The following GATA3 variants were observed in gnomAD, a reference collection of about 807,000 sequenced individuals.
GATA3 encodes the protein GATA binding protein 3.
Under a neutral mutation model 36.0 loss-of-function variants are expected in GATA3, and 6 were observed. That is an observed-to-expected ratio of 0.17 (90% confidence interval 0.09 to 0.33). The LOEUF (loss-of-function observed/expected upper bound fraction) is 0.33. Among genes scored for constraint, GATA3 ranks in the 10% least tolerant of loss-of-function variants. GATA3 has a pLI of 1.00. For missense variants in GATA3, 514 were observed against 610.1 expected (o/e 0.84, Z 1.66); for synonymous variants, 326 against 273.0 (o/e 1.19, Z -1.92).
chr10:8,066,366 GTTT>G (rs1029245258), intron 4 of GATA3, among the ~76,000 whole-genome samples: 7 of 151,192 alleles, frequency 4.6e-5, no homozygotes, highest in Admixed American at 2.0e-4. Flanking sequence ...GTGGTTTGAT[GTTT>G]TTAGTTCTAT....
Position 8,054,838 on chromosome 10 carries a change from C to T in GATA3, c.-423C>T, listed in dbSNP as rs545914604. 2.0e-5 allele frequency: 3 copies of T among 151,402 alleles called. No individual in the cohort carries two copies. The South Asian group carries it at 6.3e-4, about 32-fold the overall frequency. 9.4% of individuals were successfully genotyped at this position (151,402 alleles called of 1,614,324 possible). On this transcript the variant is annotated 5_prime_UTR_variant, in exon 1 of 6. Coordinates refer to ENST00000379328, the MANE Select transcript of GATA3 (RefSeq NM_001002295.2). The surrounding 1 kb of genome is among the most constrained non-coding windows in gnomAD (Gnocchi z 4.2). The stretch of plus-strand genomic sequence containing the variant: ...AGACAGAGCGAGCAACGCAATCTGA[C>T]CGAGCAGGTCGTACGCCGCCGCCTC...
chr10:8,065,419 G>A (rs79306544), intron 4 of GATA3, among the ~76,000 whole-genome samples: 50 of 151,696 alleles, frequency 3.3e-4, no homozygotes, highest in African/African-American at 1.2e-3. Flanking sequence ...CCCCACACCC[G>A]GCAAATTTTT....
rs1209111506 is a variant in GATA3 at position 8,062,205 on chromosome 10, A to C, written c.779-1788A>C. On this transcript the variant is annotated intron_variant, in intron 3 of 5. Transcript: ENST00000379328. Reference sequence around the variant, plus strand: ...TGAGCCTTTTTCAAGAACTGAGAAGAGCCGTTGGGTACTTAGGAAGGCGCC... The same window carrying C: ...TGAGCCTTTTTCAAGAACTGAGAAGCGCCGTTGGGTACTTAGGAAGGCGCC... Among the ~76,000 whole-genome samples, 16 of 152,076 alleles carry C rather than the reference A, an allele frequency of 1.1e-4. 1 individual carries two copies. Among genetic ancestry groups the C allele is most frequent in the Admixed American group, 1.0e-3 (16 of 15,274 alleles).
At chr10:8,058,189 GC>G in intron 2 of GATA3, 115 bp from the exon 3 acceptor site, 1 of 1,165,334 alleles carries the variant, frequency 8.6e-7, no homozygotes, top group Non-Finnish European at 1.3e-6. Context: ...CTGAGCCCGG[GC>G]TTTTGCTGAA....
At chr10:8,052,914 T>C (rs1832538174), upstream of GATA3, 1 of 146,472 alleles carries the variant, frequency 6.8e-6, no homozygotes, top group Admixed American at 6.8e-5. Context: ...GGGGGGAGCT[T>C]TCTTTAAAAA....
chr10:8,067,663 C>CA (rs910155666), intron 4 of GATA3, among the ~76,000 whole-genome samples: 1 of 151,128 alleles, frequency 6.6e-6, no homozygotes, highest in Non-Finnish European at 1.5e-5. Flanking sequence ...ACTAAAAATA[C>CA]AAAAAATTAG....
intron 5 of GATA3, among the ~76,000 whole-genome samples, chr10:8,071,515 T>G (rs1588390066): frequency 6.6e-6 from 1 of 152,188 alleles, no homozygotes; most frequent in African/African-American, 2.4e-5. Flanking sequence ...CTGAAGAACA[T>G]GAATTTCTCA....
chr10:8,054,258 G>A (rs376120032), upstream of GATA3, among the ~76,000 whole-genome samples: 6 of 152,326 alleles, frequency 3.9e-5, no homozygotes, highest in Non-Finnish European at 8.8e-5. The surrounding 1 kb of genome is among the most constrained non-coding windows in gnomAD (Gnocchi z 4.2). Flanking sequence ...TGATCCATGC[G>A]TGCCTATTTT....
intron 5 of GATA3, among the ~76,000 whole-genome samples, chr10:8,070,934 A>G (rs1240888329): frequency 1.3e-5 from 2 of 152,108 alleles, no homozygotes; most frequent in Admixed American, 6.6e-5. Context: ...CACTTTGGGG[A>G]ATTTGCTTGC....
intron 3 of GATA3, among the ~76,000 whole-genome samples, chr10:8,063,611 T>G (rs1832784689): frequency 6.6e-6 from 1 of 152,228 alleles, no homozygotes; most frequent in South Asian, 2.1e-4. Flanking sequence ...GGGAAATGAA[T>G]GGAATGTTTG....
rs11567912 is a variant in GATA3 at position 8,061,489 on chromosome 10, G to T, written c.779-2504G>T. 2.9e-3 allele frequency among the ~76,000 whole-genome samples: 444 copies of T among 152,272 alleles called. 2 individuals carry two copies. The highest frequency in any genetic ancestry group is 0.01 in the African/African-American group (424 of 41,552). On this transcript the variant is annotated intron_variant, in intron 3 of 5. Transcript: ENST00000379328. ...CTTGTCACCTAAGAGAGAGGTGTCT[G>T]CCTGAGCAGCTCACAACAGGCAGGG...
chr10:8,055,741 C>T lies in GATA3; in HGVS notation c.86C>T (p.Pro29Leu), dbSNP rs758750439. The T allele has an allele frequency of 2.2e-5, 34 of 1,576,502 alleles. No homozygotes were observed. Among genetic ancestry groups the T allele is most frequent in the African/African-American group, 8.1e-5 (6 of 74,120 alleles). ...GGGCAGCACCCGGACACGCACCACC[C>T]GGGCCTCAGCCACTCCTACATGGAC... Reference protein sequence around the residue: ...LNGQHPDTHHPGLSHSYMDAA... With the variant: ...LNGQHPDTHHLGLSHSYMDAA... The change falls in exon 2 of 6, where the codon CCG becomes CTG. Residue 29 changes from proline to leucine, a missense_variant. Physicochemically the swap from Pro to Leu is moderately conservative, Grantham distance 98 (BLOSUM62 -3). This residue lies in a region of GATA3 where 381 missense variants were observed against 354.3 expected (regional missense o/e 1.08). Transcript: ENST00000379328. The surrounding 1 kb of genome is among the most constrained non-coding windows in gnomAD (Gnocchi z 5.4).
In GATA3 at chr10:8,055,921, C is replaced by T; in HGVS notation, c.241+25C>T. On this transcript the variant is annotated intron_variant, in intron 2 of 5. Transcript: ENST00000379328. The surrounding 1 kb of genome is among the most constrained non-coding windows in gnomAD (Gnocchi z 5.4). ...GGTGAGTGCGCCCGGGGTGCCGGGG[C>T]TCCCGCCGGCCGCTTCAGCCGTCCC... The T allele has an allele frequency of 1.3e-6, 2 of 1,550,592 alleles. No homozygotes were observed. Among genetic ancestry groups the T allele is most frequent in the Non-Finnish European group, 1.7e-6 (2 of 1,146,858 alleles).
chr10:8,061,089 C>CTCTCTCTCTCT (rs754738004), intron 3 of GATA3, among the ~76,000 whole-genome samples: 3 of 145,734 alleles, frequency 2.1e-5, no homozygotes, highest in East Asian at 2.0e-4. Context: ...CTCTCTCTCT[C>CTCTCTCTCTCT]TTTTTTACCC....
chr10:8,051,079 C>T (rs1203784965), upstream of GATA3: 1 of 530,944 alleles, frequency 1.9e-6, no homozygotes, highest in Non-Finnish European at 3.9e-6. Context: ...CCGCTCTGCG[C>T]CATGGCCTCT....
chr10:8,058,927 G>T, intron 3 of GATA3, 86 bp downstream of exon 3: 3 of 1,294,396 alleles, frequency 2.3e-6, no homozygotes, highest in Non-Finnish European at 3.2e-6. Context: ...GGACCCCTCA[G>T]GGGAGCCGGG....
upstream of GATA3, chr10:8,051,435 C>G (rs1037340990): frequency 1.5e-5 from 3 of 200,458 alleles, no homozygotes; most frequent in Admixed American, 1.8e-4. Flanking sequence ...TCCCAAGGTC[C>G]CAGGCGTCCA....
intron 5 of GATA3, among the ~76,000 whole-genome samples, chr10:8,071,940 A>G (rs74123884): frequency 0.011 from 1,615 of 152,302 alleles, 31 homozygotes; most frequent in African/African-American, 0.037. Flanking sequence ...GTATAGCTAG[A>G]TATCGGCATC....
At chr10:8,067,743 A>G (rs554995794) in intron 4 of GATA3, among the ~76,000 whole-genome samples, 98 of 152,300 alleles carry the variant, frequency 6.4e-4, no homozygotes, top group Middle Eastern at 3.4e-3. Flanking sequence ...GTGTGAACCC[A>G]GGAGGCGGAG....
Sources: gnomAD v4.1 joint callset for allele counts (sites outside exome capture counted in the v4.1 genomes callset) on GRCh38, gnomAD v4.1.1 for gene constraint, gnomAD v4.1.1 regional missense constraint, Gnocchi (gnomAD v3.1) non-coding constraint, MANE v1.5 for transcripts, NCBI Gene and HGNC (gene_info 2026-07-23, HGNC 2026-07-21) for gene names.